The following FTSJ1 variants were observed in gnomAD, a reference collection of about 807,000 sequenced individuals.
FTSJ1 encodes FtsJ RNA 2'-O-methyltransferase 1.
In FTSJ1, 3 loss-of-function variants were observed where a neutral mutation model predicts 28.5. The observed-to-expected ratio is 0.11, with a 90% CI of 0.05 to 0.27. The LOEUF (loss-of-function observed/expected upper bound fraction) is 0.27. FTSJ1 is among the 10% of genes least tolerant of loss of function. The pLI, the probability that FTSJ1 is intolerant of heterozygous loss-of-function variation, is 1.00. For missense variants in FTSJ1, 162 were observed against 279.0 expected (o/e 0.58, Z 2.99); for synonymous variants, 104 against 113.9 (o/e 0.91, Z 0.55).
chrX:48,482,261 C>T (rs1303018156), intron 9 of FTSJ1, 142 bp from the exon 10 acceptor site: 5 of 505,322 alleles, frequency 9.9e-6, no homozygotes, highest in Non-Finnish European at 1.8e-5. Context: ...GTGATCTGAA[C>T]CAAATGAAGG....
intron 12 of FTSJ1, among the ~76,000 whole-genome samples, chrX:48,484,411 G>A (rs971587377): frequency 9.5e-6 from 1 of 105,765 alleles, no homozygotes; most frequent in Non-Finnish European, 1.9e-5. Flanking sequence ...ACAGAGTCTC[G>A]CTCTGTCGCC....
intron 12 of FTSJ1, among the ~76,000 whole-genome samples, chrX:48,484,351 G>A (rs2061588776): frequency 9.1e-6 from 1 of 110,032 alleles, no homozygotes; most frequent in Non-Finnish European, 1.9e-5. Flanking sequence ...TTACAGGTGT[G>A]AGCCACCACA....
chrX:48,477,574 A>G (rs2061541047), intron 1 of FTSJ1, among the ~76,000 whole-genome samples: 1 of 111,296 alleles, frequency 9.0e-6, no homozygotes, highest in Admixed American at 9.6e-5. Context: ...ATATGAATCT[A>G]GGGGCAATGG....
At chrX:48,480,050 A>G (rs1456950070) in intron 5 of FTSJ1, among the ~76,000 whole-genome samples, 5 of 110,596 alleles carry the variant, frequency 4.5e-5, no homozygotes, top group African/African-American at 1.6e-4. Flanking sequence ...AGGCTAAGAC[A>G]GAAGAATCGC....
intron 1 of FTSJ1, among the ~76,000 whole-genome samples, chrX:48,477,375 G>A (rs2061539197): frequency 9.0e-6 from 1 of 111,494 alleles, no homozygotes; most frequent in African/African-American, 3.3e-5. Flanking sequence ...GCTTAATGGG[G>A]AGCTAATAGA....
intron 1 of FTSJ1, among the ~76,000 whole-genome samples, chrX:48,476,954 G>T (rs998715976): frequency 5.4e-5 from 6 of 110,209 alleles, no homozygotes; most frequent in Non-Finnish European, 9.5e-5. Flanking sequence ...GTGAGGTTGT[G>T]GGGGGAATAA....
chrX:48,481,380 G>T (rs782178418), intron 7 of FTSJ1, 38 bp downstream of exon 7: 1 of 1,194,666 alleles, frequency 8.4e-7, no homozygotes, highest in East Asian at 3.0e-5. Flanking sequence ...GAGGGAGGTC[G>T]CTGAGGGCCA....
Position 48,477,992 on chromosome X carries a change from G to C in FTSJ1, c.-56G>C. ...GTGGTAGCCCATTCATCTGGTTACTGATACTGGCCGGCATCAGTGGACTGT... is the reference window on the plus strand; with the variant it reads ...GTGGTAGCCCATTCATCTGGTTACTCATACTGGCCGGCATCAGTGGACTGT... On this transcript the variant is annotated 5_prime_UTR_variant, in exon 2 of 13. Transcript: ENST00000348411. The C allele has an allele frequency of 2.5e-6, 3 of 1,209,817 alleles. No homozygotes were observed. The highest frequency in any genetic ancestry group is 3.4e-6 in the Non-Finnish European group (3 of 894,373).
intron 9 of FTSJ1, 128 bp from the exon 10 acceptor site, chrX:48,482,275 T>G: frequency 1.9e-6 from 1 of 516,424 alleles, no homozygotes; most frequent in Admixed American, 2.7e-5. Flanking sequence ...ATGAAGGATT[T>G]CTGGTGGGGT....
chrX:48,478,054 C>T lies in FTSJ1; in HGVS notation c.7C>T (p.Arg3Trp). 8.3e-7 allele frequency: 1 copy of T among 1,210,975 alleles called. No homozygotes were observed. The highest frequency in any genetic ancestry group is 1.1e-6 in the Non-Finnish European group (1 of 894,874). ...TGAGCAACTGGTGTGTGAAATGGGA[C>T]GGACGTCAAAGGACAAGCGGGATGT... is the stretch of plus-strand genomic sequence containing the variant. MGRTSKDKRDVYY... is the reference protein window; with the variant it reads MGWTSKDKRDVYY... Residue 3 changes from arginine (R) to tryptophan (W), a missense_variant, in exon 2 of 13, where the codon CGG becomes TGG. Coordinates refer to ENST00000348411, the MANE Select transcript of FTSJ1 (RefSeq NM_012280.4).
rs1569474527 is a variant in FTSJ1 at position 48,481,650 on chromosome X, A to T, written c.590A>T (p.Gln197Leu). The stretch of plus-strand genomic sequence containing the variant: ...CTGGCAGAGGCCTTCGCTGTCTGTC[A>T]GGGCTATGACCCTCCCGAGGGCTTC... Reference protein sequence around the residue: ...NSSIEAFAVCQGYDPPEGFIP... With the variant: ...NSSIEAFAVCLGYDPPEGFIP... The change falls in exon 9 of 13, where the codon CAG (glutamine) becomes CTG (leucine). Residue 197 changes from glutamine to leucine, a missense_variant. Physicochemically the swap from Gln to Leu is moderately radical, Grantham distance 113. Transcript: ENST00000348411. 4 of 1,196,634 alleles carry T rather than the reference A, an allele frequency of 3.3e-6. No individual in the cohort carries two copies. Among genetic ancestry groups the T allele is most frequent in the Non-Finnish European group, 4.5e-6 (4 of 881,406 alleles).
chrX:48,481,593 G>T, intron 8 of FTSJ1, 39 bp from the exon 9 acceptor site: 1 of 1,146,268 alleles, frequency 8.7e-7, no homozygotes. Context: ...GCACGAGGAG[G>T]AAGCGGCAGT....
Position 48,482,713 on chromosome X carries a change from C to T in FTSJ1, c.876C>T (p.Pro292=). 4.1e-6 allele frequency: 5 copies of T among 1,208,971 alleles called. No homozygotes were observed. Among genetic ancestry groups the T allele is most frequent in the Non-Finnish European group, 2.2e-6 (2 of 894,049 alleles). The change falls in exon 11 of 13, where the codon CCC becomes CCT. Residue 292 remains proline, a synonymous_variant. Transcript: ENST00000348411. The part of the protein sequence containing the change: ...RKGQLAKEIR[P]QDCPISRVDT... ...GGCAGCTGGCCAAGGAGATCCGCCC[C>T]CAGGACTGCCCCATCAGCAGAGTGG...
At chrX:48,477,425 T>C (rs1556966694) in intron 1 of FTSJ1, among the ~76,000 whole-genome samples, 2 of 111,086 alleles carry the variant, frequency 1.8e-5, no homozygotes, top group East Asian at 5.6e-4. Context: ...CATAAGGATG[T>C]AGTAATAAAG....
chrX:48,484,462 C>T (rs1346599249), intron 12 of FTSJ1, among the ~76,000 whole-genome samples: 1 of 111,112 alleles, frequency 9.0e-6, no homozygotes. Flanking sequence ...CAGCTCACTC[C>T]AACCTCCGCC....
Position 48,483,011 on chromosome X carries a change from C to T in FTSJ1, c.983C>T (p.Ser328Leu). ...PEMEDNEMSC[S>L]P ...ATGGAAGACAATGAAATGAGTTGTT[C>T]ACCTTAACCCATTACGGTAAGTTTG... The change falls in exon 12 of 13, where the codon TCA (serine) becomes TTA (leucine). Residue 328 changes from serine (S) to leucine (L), a missense_variant. By Grantham distance (145) the Ser-to-Leu change is moderately radical (BLOSUM62 -2). Transcript: ENST00000348411. 8.3e-7 allele frequency: 1 copy of T among 1,203,027 alleles called. No homozygotes were observed.
rs1306837429 is a variant in FTSJ1, at chrX:48,481,347, G to T, written c.468+5G>T. 30 of 1,206,512 alleles carry T rather than the reference G, an allele frequency of 2.5e-5. No individual in the cohort carries two copies. The highest frequency in any genetic ancestry group is 2.9e-5 in the Non-Finnish European group (26 of 892,383). ...GGGGGCTGCTTTGTGGCCAAGGTAA[G>T]TCTCAAGGAACTTGGTGGAGTAGAG... is the stretch of plus-strand genomic sequence containing the variant. On this transcript the variant is annotated splice_donor_5th_base_variant and intron_variant, in intron 7 of 12. Transcript: ENST00000348411.
In FTSJ1 at chrX:48,478,394, C is replaced by T. The variant is rs113722538; in HGVS notation, c.122-55C>T. The T allele has an allele frequency of 2.4e-4, 270 of 1,138,745 alleles. 7 individuals carry two copies. In the African/African-American group the frequency reaches 3.7e-3, roughly 16 times the overall value. 93.8% of individuals were successfully genotyped at this position (1,138,745 alleles called of 1,213,427 possible). A position where few individuals can be genotyped will look rare whatever the true frequency, so the allele number is the denominator to read the frequency against. ...AGAGGGGTGAATTTTGCAAGGGTCT[C>T]CAGGTTGGAGAAGTGGGTGCAGCTG... On this transcript the variant is annotated intron_variant, in intron 2 of 12. Transcript: ENST00000348411.
intron 4 of FTSJ1, 84 bp from the exon 5 acceptor site, chrX:48,478,954 G>T (rs2061551049): frequency 2.6e-6 from 2 of 776,264 alleles, no homozygotes; most frequent in South Asian, 4.3e-5. Context: ...TGACCCAGGG[G>T]CTGTGGGCCA....
Sources: allele counts gnomAD v4.1 joint callset (sites outside exome capture counted in the v4.1 genomes callset), GRCh38; gene constraint gnomAD v4.1.1; transcripts MANE v1.5; gene names NCBI Gene and HGNC (gene_info 2026-07-23, HGNC 2026-07-21).